The following RGL1 variants were observed in gnomAD, a reference collection of about 807,000 sequenced individuals.
RGL1 encodes ral guanine nucleotide dissociation stimulator like 1.
In RGL1, 24 loss-of-function variants were observed where a neutral mutation model predicts 95.2. The observed-to-expected ratio is 0.25, with a 90% CI of 0.18 to 0.35. The LOEUF (loss-of-function observed/expected upper bound fraction) is 0.35. Among genes scored for constraint, RGL1 ranks in the 10% least tolerant of loss-of-function variants. RGL1 has a pLI of 1.00. For synonymous variants in RGL1, 329 were observed against 344.9 expected (o/e 0.95, Z 0.51); for missense variants, 715 against 936.3 (o/e 0.76, Z 3.08).
chr1:183,702,472 C>A (rs750389740), intron 1 of RGL1, among the ~76,000 whole-genome samples: 1 of 152,222 alleles, frequency 6.6e-6, no homozygotes. Flanking sequence ...CCTAGTAGAT[C>A]CATCAGATGA....
chr1:183,729,027 T>C (rs957503077), intron 1 of RGL1, among the ~76,000 whole-genome samples: 1 of 152,164 alleles, frequency 6.6e-6, no homozygotes, highest in African/African-American at 2.4e-5. Context: ...GAAGAAACTT[T>C]ATAACCTTCA....
intron 3 of RGL1, among the ~76,000 whole-genome samples, chr1:183,863,529 C>T (rs991348123): frequency 1.3e-5 from 2 of 151,984 alleles, no homozygotes; most frequent in African/African-American, 2.4e-5. Flanking sequence ...AGCAGAATTG[C>T]TCTGGCTACT....
intron 2 of RGL1, among the ~76,000 whole-genome samples, chr1:183,837,546 C>G (rs1176716826): frequency 6.6e-6 from 1 of 151,938 alleles, no homozygotes; most frequent in Non-Finnish European, 1.5e-5. Context: ...AATTCAAACT[C>G]CTCTCCCTCC....
At chr1:183,644,987 T>A (rs1650185794) in intron 1 of RGL1, among the ~76,000 whole-genome samples, 1 of 152,180 alleles carries the variant, frequency 6.6e-6, no homozygotes, top group Non-Finnish European at 1.5e-5. Flanking sequence ...TCCCAAACAT[T>A]GTCCAGGAAT....
intron 2 of RGL1, among the ~76,000 whole-genome samples, chr1:183,783,107 G>A (rs1428108788): frequency 6.6e-6 from 1 of 152,082 alleles, no homozygotes; most frequent in African/African-American, 2.4e-5. Flanking sequence ...CTGCTTATTT[G>A]TGGACCCAGT....
intron 1 of RGL1, chr1:183,709,697 T>C (rs1045265370): frequency 2.3e-5 from 5 of 215,506 alleles, no homozygotes; most frequent in African/African-American, 1.2e-4. Flanking sequence ...GATCATGTGT[T>C]GTGGACACCC....
chr1:183,919,514 A>G (rs1194976995), intron 16 of RGL1, among the ~76,000 whole-genome samples: 2 of 152,246 alleles, frequency 1.3e-5, no homozygotes, highest in Non-Finnish European at 2.9e-5. Flanking sequence ...CACAGATTTC[A>G]GGGACCCCAC....
chr1:183,692,789 A>G (rs556985750), intron 1 of RGL1, among the ~76,000 whole-genome samples: 2 of 152,246 alleles, frequency 1.3e-5, no homozygotes, highest in African/African-American at 4.8e-5. Context: ...AAGGGGTAGC[A>G]ACAGGAAGTT....
rs1010075012 is a variant in RGL1, at chr1:183,713,383, C to T, written c.-32-28743C>T. 3.3e-4 allele frequency among the ~76,000 whole-genome samples: 45 copies of T among 136,638 alleles called. 7 individuals carry two copies. The highest frequency in any genetic ancestry group is 5.1e-4 in the African/African-American group (18 of 35,524). The allele number at this position is 136,638 out of a possible 152,430, so 89.6% of individuals were successfully genotyped here. A position where few individuals can be genotyped will look rare whatever the true frequency, so the allele number is the denominator to read the frequency against. On this transcript the variant is annotated intron_variant, in intron 1 of 18. Transcript: ENST00000304685. ...AAAAAAAAATCTAGAGGCACCCCCCCCCCCCGCTTTTATAATGACCCTTTT... is the reference window on the plus strand; with the variant it reads ...AAAAAAAAATCTAGAGGCACCCCCCTCCCCCGCTTTTATAATGACCCTTTT...
intron 2 of RGL1, among the ~76,000 whole-genome samples, chr1:183,818,746 A>T (rs2102450004): frequency 6.6e-6 from 1 of 152,322 alleles, no homozygotes; most frequent in Non-Finnish European, 1.5e-5. Flanking sequence ...CCTTATCTTT[A>T]TTATAGAACG....
intron 17 of RGL1, 146 bp from the exon 18 acceptor site, chr1:183,925,959 G>T: frequency 2.0e-6 from 1 of 493,506 alleles, no homozygotes. Context: ...GGGTAGTGAT[G>T]GTGATCACTG....
intron 1 of RGL1, among the ~76,000 whole-genome samples, chr1:183,695,797 A>G (rs918832866): frequency 6.6e-6 from 1 of 152,202 alleles, no homozygotes; most frequent in Non-Finnish European, 1.5e-5. Flanking sequence ...TTATGAACAC[A>G]AGTATTTGAA....
At chr1:183,925,511 G>A (rs1449917742) in intron 17 of RGL1, among the ~76,000 whole-genome samples, 2 of 151,800 alleles carry the variant, frequency 1.3e-5, no homozygotes, top group Admixed American at 6.6e-5. Flanking sequence ...AGATATGCAC[G>A]TTCAGCACAT....
chr1:183,768,254 A>ATTT (rs1659086870), intron 2 of RGL1, among the ~76,000 whole-genome samples: 1 of 151,718 alleles, frequency 6.6e-6, no homozygotes, highest in Non-Finnish European at 1.5e-5. Context: ...ATAGCCAGTT[A>ATTT]TTTTATTTTA....
intron 2 of RGL1, among the ~76,000 whole-genome samples, chr1:183,763,624 G>A (rs1225127255): frequency 6.6e-6 from 1 of 152,174 alleles, no homozygotes; most frequent in Non-Finnish European, 1.5e-5. Flanking sequence ...GGACTAAGAG[G>A]TTGGTCTCCA....
chr1:183,672,458 T>C (rs1652531724), intron 1 of RGL1, among the ~76,000 whole-genome samples: 1 of 152,226 alleles, frequency 6.6e-6, no homozygotes, highest in Admixed American at 6.5e-5. Context: ...TTGAACATTT[T>C]CATTTATTCT....
At position 183,926,282 on chromosome 1, in the gene RGL1, T is replaced by C; in HGVS notation, c.2297T>C (p.Ile766Thr). 1.2e-6 allele frequency: 2 copies of C among 1,611,522 alleles called. No homozygotes were observed. The highest frequency in any genetic ancestry group is 1.7e-6 in the Non-Finnish European group (2 of 1,178,476). ...RGCWSNRHSK[I>T]TL The stretch of plus-strand genomic sequence containing the variant: ...TGCTGGAGTAACAGACACAGCAAAA[T>C]CACCCTCTGAAGGGAGGGACCAGTG... The change falls in exon 18 of 18, where the codon ATC becomes ACC. Residue 766 changes from isoleucine to threonine, a missense_variant. By Grantham distance (89) the Ile-to-Thr change is moderately conservative. Coordinates refer to ENST00000360851, the MANE Select transcript of RGL1 (RefSeq NM_001297671.3).
intron 1 of RGL1, chr1:183,709,335 G>A (rs1465443925): frequency 2.0e-5 from 3 of 152,396 alleles, no homozygotes; most frequent in Admixed American, 1.3e-4. Flanking sequence ...AACTGTTCCA[G>A]TGAGCACAGG....
chr1:183,876,462 G>A (rs377527923), intron 4 of RGL1, among the ~76,000 whole-genome samples: 40 of 152,302 alleles, frequency 2.6e-4, no homozygotes, highest in African/African-American at 9.1e-4. Context: ...CCACCTACCC[G>A]GCATACTTGC....
Sources: allele counts gnomAD v4.1 joint callset (sites outside exome capture counted in the v4.1 genomes callset), GRCh38; gene constraint gnomAD v4.1.1; transcripts MANE v1.5; gene names NCBI Gene and HGNC (gene_info 2026-07-23, HGNC 2026-07-21).